Variants in TNPO1 observed in about 807,000 individuals in gnomAD.
The protein encoded by TNPO1 is transportin 1.
TNPO1 carries 8 observed loss-of-function variants against 119.5 expected under a neutral mutation model. The ratio of observed to expected loss-of-function variants is 0.07; its 90% confidence interval spans 0.04 to 0.12. The LOEUF (loss-of-function observed/expected upper bound fraction) is 0.12, where lower values mean the gene tolerates loss of function less well. Ranked by LOEUF, TNPO1 falls within the 10% of genes least tolerant of loss-of-function variation. TNPO1 has a pLI of 1.00. For synonymous variants in TNPO1, 362 were observed against 363.0 expected, an observed-to-expected ratio of 1.00 and a Z score of 0.03; for missense variants, 576 against 1,089.8, an observed-to-expected ratio of 0.53 and a Z score of 6.64.
At chr5:72,849,544 GTTAT>G (rs1238844405) in intron 2 of TNPO1, among the ~76,000 whole-genome samples, 1 of 152,182 alleles carries the variant, frequency 6.6e-6, no homozygotes, top group African/African-American at 2.4e-5. Flanking sequence ...TAAAGATGAA[GTTAT>G]TTACCCCGAG....
At chr5:72,858,423 C>T (rs1342098977) in intron 4 of TNPO1, among the ~76,000 whole-genome samples, 1 of 152,110 alleles carries the variant, frequency 6.6e-6, no homozygotes, top group African/African-American at 2.4e-5. Flanking sequence ...GTTTTTGTCC[C>T]TCCTGCCTTC....
rs1478970200 is a variant in TNPO1, at chr5:72,865,599, G to T, written c.466G>T (p.Ala156Ser). The change falls in exon 6 of 25, where the codon GCA (alanine) becomes TCA (serine). Residue 156 changes from alanine to serine, a missense_variant. Ala to Ser is a moderately conservative substitution (Grantham distance 99). Transcript: ENST00000337273. ...AATTTAAATGTGTCTCTTACAGGGA[G>T]CATTTGGTGCCCTTCAGAAGATTTG... ...DSEDYNTCEG[A>S]FGALQKICED... is the part of the protein sequence containing the mutation. The T allele has an allele frequency of 6.2e-7, 1 of 1,611,734 alleles. No individual in the cohort carries two copies. Among genetic ancestry groups the T allele is most frequent in the Non-Finnish European group, 8.5e-7 (1 of 1,179,692 alleles).
chr5:72,834,100 TGCTGTA>T (rs1471615051), intron 1 of TNPO1, among the ~76,000 whole-genome samples: 1 of 152,194 alleles, frequency 6.6e-6, no homozygotes, highest in Non-Finnish European at 1.5e-5. Context: ...TGCGTCTTGA[TGCTGTA>T]ATGCAATGCA....
intron 3 of TNPO1, among the ~76,000 whole-genome samples, chr5:72,854,044 A>G (rs1321436119): frequency 6.6e-6 from 1 of 152,194 alleles, no homozygotes; most frequent in Non-Finnish European, 1.5e-5. Flanking sequence ...TGTAACCTTT[A>G]TGGTAAAAAC....
intron 1 of TNPO1, among the ~76,000 whole-genome samples, chr5:72,841,363 C>T (rs1489181743): frequency 6.6e-6 from 1 of 152,186 alleles, no homozygotes; most frequent in Admixed American, 6.5e-5. Flanking sequence ...AGGCGATCCA[C>T]CCGCCTCAGC....
intron 1 of TNPO1, among the ~76,000 whole-genome samples, chr5:72,822,049 G>A (rs956339039): frequency 1.3e-5 from 2 of 152,180 alleles, no homozygotes; most frequent in African/African-American, 4.8e-5. Flanking sequence ...CTAATATATA[G>A]TAGAGAGGGA....
rs2112196637 is a variant in TNPO1 at position 72,833,411 on chromosome 5, T to C, written c.16-14974T>C. 1.3e-5 allele frequency among the ~76,000 whole-genome samples: 2 copies of C among 152,308 alleles called. 1 individual carries two copies. The highest frequency in any genetic ancestry group is 4.1e-4 in the South Asian group (2 of 4,826). On this transcript the variant is annotated intron_variant, in intron 1 of 24. Coordinates refer to ENST00000337273, the MANE Select transcript of TNPO1 (RefSeq NM_002270.4). ...CCTCTTAATCTGTAATGTTGGTTTCTGGGTCTTGATTTCCCCATTTTTAAA... is the reference window on the plus strand; with the variant it reads ...CCTCTTAATCTGTAATGTTGGTTTCCGGGTCTTGATTTCCCCATTTTTAAA...
intron 6 of TNPO1, among the ~76,000 whole-genome samples, chr5:72,868,659 G>T (rs2087853564): frequency 6.6e-6 from 1 of 151,892 alleles, no homozygotes; most frequent in Non-Finnish European, 1.5e-5. Flanking sequence ...TTATTCTATT[G>T]CTGTTTCATG....
chr5:72,860,525 C>G (rs909060335), intron 4 of TNPO1, among the ~76,000 whole-genome samples: 1 of 152,232 alleles, frequency 6.6e-6, no homozygotes, highest in Non-Finnish European at 1.5e-5. Flanking sequence ...TATCACAACT[C>G]TACTGCATAA....
intron 1 of TNPO1, among the ~76,000 whole-genome samples, chr5:72,831,286 T>C (rs1744447300): frequency 6.6e-6 from 1 of 151,988 alleles, no homozygotes; most frequent in Non-Finnish European, 1.5e-5. Flanking sequence ...CTTTTACATA[T>C]TTAGTAGGGT....
At chr5:72,884,280 G>T (rs536694269) in intron 11 of TNPO1, among the ~76,000 whole-genome samples, 14 of 152,060 alleles carry the variant, frequency 9.2e-5, no homozygotes, top group Non-Finnish European at 2.1e-4. Flanking sequence ...GTGGTATTTT[G>T]TGGTTTTGGT....
intron 2 of TNPO1, 185 bp from the exon 3 acceptor site, chr5:72,851,056 TTTA>T: frequency 1.9e-6 from 1 of 530,234 alleles, no homozygotes; most frequent in Non-Finnish European, 3.4e-6. Context: ...ACCTAAGAGG[TTTA>T]GCAAGCACTA....
intron 9 of TNPO1, among the ~76,000 whole-genome samples, chr5:72,879,739 C>T (rs184281111): frequency 1.3e-4 from 20 of 152,316 alleles, no homozygotes; most frequent in African/African-American, 2.9e-4. Flanking sequence ...ATATCAACAT[C>T]AATCTGATGC....
chr5:72,855,177 G>A (rs1745887350), intron 3 of TNPO1, among the ~76,000 whole-genome samples: 1 of 151,772 alleles, frequency 6.6e-6, no homozygotes, highest in South Asian at 2.1e-4. Flanking sequence ...GGGGTTTTTA[G>A]TAGATACGGG....
chr5:72,868,228 C>T (rs540085960), intron 6 of TNPO1, among the ~76,000 whole-genome samples: 1 of 151,648 alleles, frequency 6.6e-6, no homozygotes, highest in Admixed American at 6.6e-5. Context: ...GTCAGGAGAT[C>T]GAGACCATCC....
At chr5:72,900,220 A>G (rs1219606194) in intron 21 of TNPO1, 139 bp downstream of exon 21, 5 of 700,502 alleles carry the variant, frequency 7.1e-6, no homozygotes, top group South Asian at 2.2e-5. Context: ...ATCTTGTCCT[A>G]TCAGGTTTGT....
chr5:72,848,995 G>T, intron 2 of TNPO1, among the ~76,000 whole-genome samples: 1 of 152,070 alleles, frequency 6.6e-6, no homozygotes, highest in East Asian at 1.9e-4. Flanking sequence ...GAGCTGGCGC[G>T]GGGTTTGAAC....
chr5:72,866,386 C>G (rs1366322613), intron 6 of TNPO1, among the ~76,000 whole-genome samples: 1 of 152,140 alleles, frequency 6.6e-6, no homozygotes, highest in Non-Finnish European at 1.5e-5. Flanking sequence ...GGAAGTTTCC[C>G]CCTTTTAACA....
intron 3 of TNPO1, among the ~76,000 whole-genome samples, chr5:72,853,264 G>A (rs1745725021): frequency 6.6e-6 from 1 of 152,122 alleles, no homozygotes; most frequent in Non-Finnish European, 1.5e-5. Flanking sequence ...CAGCAACATA[G>A]TGAATGGTGA....
Sources: gnomAD v4.1 joint callset for allele counts (sites outside exome capture counted in the v4.1 genomes callset) on GRCh38, gnomAD v4.1.1 for gene constraint, MANE v1.5 for transcripts, NCBI Gene and HGNC (gene_info 2026-07-23, HGNC 2026-07-21) for gene names.